The following ME2 variants were observed in gnomAD, a reference collection of about 807,000 sequenced individuals.
ME2 encodes NAD-dependent malic enzyme, mitochondrial.
Under a neutral mutation model 73.7 loss-of-function variants are expected in ME2, and 60 were observed. The observed-to-expected ratio is 0.81, with a 90% CI of 0.66 to 1.01. ME2 has a LOEUF of 1.01. Among genes scored for constraint, ME2 ranks in the 50% least tolerant of loss-of-function variants. The pLI is 0.00. For missense variants in ME2, 594 were observed against 705.5 expected (o/e 0.84, Z 1.79); for synonymous variants, 199 against 236.9 (o/e 0.84, Z 1.47).
intron 13 of ME2, among the ~76,000 whole-genome samples, chr18:50,936,531 A>G (rs533604152): frequency 6.6e-6 from 1 of 152,324 alleles, no homozygotes; most frequent in East Asian, 1.9e-4. Flanking sequence ...TTTGAAAAAT[A>G]TATATAGAGA....
At chr18:50,935,827 TATCTC>T (rs1440093535) in intron 13 of ME2, 1 of 135,754 alleles carries the variant, frequency 7.4e-6, no homozygotes, top group Non-Finnish European at 1.6e-5. Context: ...AACTGGAAAA[TATCTC>T]AGAAGAAGCA....
Position 50,924,188 on chromosome 18 carries a change from A to G in ME2, c.1147A>G (p.Ile383Val), listed in dbSNP as rs1599113128. The G allele has an allele frequency of 6.2e-7, 1 of 1,611,222 alleles. No individual in the cohort carries two copies. Among genetic ancestry groups the G allele is most frequent in the Non-Finnish European group, 8.5e-7 (1 of 1,178,348 alleles). ...IPDTFEDAVN[I>V]LKPSTIIGVA... ...TGATACTTTTGAAGATGCAGTGAAT[A>G]TACTGAAGCCTTCAACTATAATTGG... is the stretch of plus-strand genomic sequence containing the variant. Residue 383 changes from isoleucine to valine, a missense_variant, in exon 11 of 16, where the codon ATA becomes GTA. Coordinates refer to ENST00000321341, the MANE Select transcript of ME2 (RefSeq NM_002396.5).
rs57428974 is a variant in ME2 at position 50,941,353 on chromosome 18, C to CTTTTTTT, written c.1587+992_1587+998dup. Among the ~76,000 whole-genome samples, 349 of 63,856 alleles carry CTTTTTTT rather than the reference C, an allele frequency of 5.5e-3. 70 individuals carry two copies. The highest frequency in any genetic ancestry group is 0.016 in the African/African-American group (200 of 12,438). 41.9% of individuals were successfully genotyped at this position (63,856 alleles called of 152,430 possible). On this transcript the variant is annotated intron_variant, in intron 15 of 15. Coordinates refer to ENST00000321341, the MANE Select transcript of ME2 (RefSeq NM_002396.5). Reference sequence around the variant, plus strand: ...TCTTTGTGTGTATTTGTGATGGTTTCTTTTTTTTTTTTTTTTTTTTTTTTT... The same window carrying CTTTTTTT: ...TCTTTGTGTGTATTTGTGATGGTTTCTTTTTTTTTTTTTTTTTTTTTTTTTTTTTTTT...
At chr18:50,902,282 A>G (rs2144207976) in intron 2 of ME2, among the ~76,000 whole-genome samples, 1 of 152,254 alleles carries the variant, frequency 6.6e-6, no homozygotes, top group Non-Finnish European at 1.5e-5. Flanking sequence ...TTGTTAATTT[A>G]TTTGTTTATA....
intron 15 of ME2, among the ~76,000 whole-genome samples, chr18:50,946,657 C>T (rs1026760689): frequency 1.7e-4 from 26 of 152,124 alleles, no homozygotes; most frequent in Admixed American, 1.1e-3. Flanking sequence ...GCAGAAACCT[C>T]TCTCTCACCT....
chr18:50,926,036 A>G (rs574700981), intron 12 of ME2, 138 bp downstream of exon 12: 1 of 596,758 alleles, frequency 1.7e-6, no homozygotes, highest in Non-Finnish European at 3.0e-6. Flanking sequence ...GTCTGATATT[A>G]ATTATTGCTT....
intron 15 of ME2, 87 bp downstream of exon 15, chr18:50,940,473 C>A: frequency 1.1e-6 from 1 of 912,658 alleles, no homozygotes; most frequent in Non-Finnish European, 1.7e-6. Flanking sequence ...AAATCTGAAA[C>A]ATTTAGAAGG....
At chr18:50,946,139 T>A (rs1918077728) in intron 15 of ME2, among the ~76,000 whole-genome samples, 1 of 151,850 alleles carries the variant, frequency 6.6e-6, no homozygotes, top group East Asian at 1.9e-4. Flanking sequence ...AATAAATAAA[T>A]AAAACCATGA....
At chr18:50,937,316 G>A (rs1917840678) in intron 13 of ME2, among the ~76,000 whole-genome samples, 1 of 152,184 alleles carries the variant, frequency 6.6e-6, no homozygotes, top group African/African-American at 2.4e-5. Flanking sequence ...GATATTCTTT[G>A]AATAGAGTAA....
chr18:50,888,241 A>G (rs1241933545), intron 1 of ME2, among the ~76,000 whole-genome samples: 1 of 151,988 alleles, frequency 6.6e-6, no homozygotes, highest in African/African-American at 2.4e-5. Context: ...GCTACTTGAG[A>G]GGCTGAGGTG....
At chr18:50,946,957 C>A in intron 15 of ME2, 60 bp from the exon 16 acceptor site, 2 of 1,203,354 alleles carry the variant, frequency 1.7e-6, no homozygotes, top group Non-Finnish European at 2.4e-6. Flanking sequence ...TATAATAGTA[C>A]GTTGTCTCTC....
intron 2 of ME2, among the ~76,000 whole-genome samples, chr18:50,897,035 A>G (rs970122205): frequency 3.0e-4 from 46 of 152,126 alleles, no homozygotes; most frequent in African/African-American, 1.1e-3. Context: ...TTACACCACC[A>G]TGGACTGGAG....
At chr18:50,892,478 C>G (rs1916628029) in intron 1 of ME2, among the ~76,000 whole-genome samples, 2 of 152,216 alleles carry the variant, frequency 1.3e-5, no homozygotes, top group African/African-American at 2.4e-5. Flanking sequence ...TTACTGTTGA[C>G]TATTCCCATC....
intron 1 of ME2, among the ~76,000 whole-genome samples, chr18:50,893,591 T>C (rs1273293723): frequency 6.6e-6 from 1 of 152,328 alleles, no homozygotes; most frequent in Non-Finnish European, 1.5e-5. Flanking sequence ...CAGCTACTGG[T>C]TATTTTTCTG....
chr18:50,923,105 C>T (rs1245673405), intron 10 of ME2, among the ~76,000 whole-genome samples: 1 of 152,072 alleles, frequency 6.6e-6, no homozygotes, highest in Non-Finnish European at 1.5e-5. Context: ...TGGTTTTTGA[C>T]CTGGGATTTG....
chr18:50,913,885 A>ACACACACACACACACG (rs1917224064), intron 4 of ME2, among the ~76,000 whole-genome samples: 1 of 152,036 alleles, frequency 6.6e-6, no homozygotes, highest in East Asian at 1.9e-4. Context: ...ACACACACAC[A>ACACACACACACACACG]CACACATATG....
intron 1 of ME2, among the ~76,000 whole-genome samples, chr18:50,879,906 T>G (rs928003573): frequency 1.3e-5 from 2 of 152,242 alleles, no homozygotes; most frequent in Admixed American, 1.3e-4. Flanking sequence ...CATGTGGTGT[T>G]ACCTAGGTGG....
At chr18:50,892,937 A>G (rs1916639603) in intron 1 of ME2, among the ~76,000 whole-genome samples, 1 of 152,056 alleles carries the variant, frequency 6.6e-6, no homozygotes, top group Admixed American at 6.6e-5. Context: ...CAGCCTGGCC[A>G]ACATGGTGAA....
In ME2 at chr18:50,920,480, G is replaced by A. The variant is rs762826369; in HGVS notation, c.759G>A (p.Gln253=). ...TDRYGRNTLI[Q]FEDFGNHNAF... is the part of the protein sequence containing the mutation. ...GATATGGCCGGAACACACTCATTCA[G>A]TTCGAAGACTTTGGAAATCATAATG... The change falls in exon 8 of 16, where the codon CAG becomes CAA. Residue 253 remains glutamine (Q), a synonymous_variant. Coordinates refer to ENST00000321341, the MANE Select transcript of ME2 (RefSeq NM_002396.5). The A allele has an allele frequency of 2.3e-5, 36 of 1,599,430 alleles. No homozygotes were observed. Among genetic ancestry groups the A allele is most frequent in the Non-Finnish European group, 2.9e-5 (34 of 1,176,706 alleles).
Sources: gnomAD v4.1 joint callset for allele counts (sites outside exome capture counted in the v4.1 genomes callset) on GRCh38, gnomAD v4.1.1 for gene constraint, MANE v1.5 for transcripts, NCBI Gene and HGNC (gene_info 2026-07-23, HGNC 2026-07-21) for gene names.